Variants in GLMN observed in about 807,000 individuals in gnomAD.
GLMN encodes the protein glomulin, FKBP associated protein, also known as glomulin.
A neutral mutation model predicts 87.8 loss-of-function variants in GLMN; 75 were observed. The ratio of observed to expected loss-of-function variants is 0.85; its 90% CI spans 0.71 to 1.04. The LOEUF is 1.04. Ranked by LOEUF, GLMN falls within the 50% of genes least tolerant of loss-of-function variation. The pLI is 0.00. For synonymous variants in GLMN, 206 were observed against 221.6 expected, an observed-to-expected ratio of 0.93 and a Z score of 0.63; for missense variants, 588 against 658.8, an observed-to-expected ratio of 0.89 and a Z score of 1.18.
At chr1:92,278,240 C>G (rs573489885) in intron 7 of GLMN, among the ~76,000 whole-genome samples, 21 of 152,228 alleles carry the variant, frequency 1.4e-4, no homozygotes, top group African/African-American at 5.1e-4. Flanking sequence ...GTTGTCTTCT[C>G]AAAATACATA....
the GLMN span, among the ~76,000 whole-genome samples, chr1:92,338,648 ATTTT>A: frequency 7.0e-6 from 1 of 142,688 alleles, no homozygotes. Flanking sequence ...CTGATCATTG[ATTTT>A]TTTTTTTTTT....
At chr1:92,370,528 T>C in the GLMN span, among the ~76,000 whole-genome samples, 2 of 152,178 alleles carry the variant, frequency 1.3e-5, no homozygotes, top group African/African-American at 4.8e-5. Flanking sequence ...ATTTAGATTA[T>C]ATATGAGAAA....
the GLMN span, among the ~76,000 whole-genome samples, chr1:92,330,352 G>A: frequency 6.6e-6 from 1 of 151,174 alleles, no homozygotes; most frequent in Non-Finnish European, 1.5e-5. Flanking sequence ...CTGGAAGAAT[G>A]TGTCTAAAAT....
At chr1:92,256,753 C>T (rs951698774) in intron 16 of GLMN, among the ~76,000 whole-genome samples, 1 of 152,102 alleles carries the variant, frequency 6.6e-6, no homozygotes, top group Non-Finnish European at 1.5e-5. Context: ...TGGAACGTAT[C>T]TCAAAATAAT....
chr1:92,288,533 T>C (rs1288287618), intron 6 of GLMN, among the ~76,000 whole-genome samples: 1 of 152,108 alleles, frequency 6.6e-6, no homozygotes, highest in African/African-American at 2.4e-5. Context: ...ATTCAACCCA[T>C]CCTCTAGCCT....
intron 6 of GLMN, among the ~76,000 whole-genome samples, chr1:92,287,887 GC>G (rs1648953169): frequency 6.6e-6 from 1 of 151,678 alleles, no homozygotes; most frequent in Non-Finnish European, 1.5e-5. Context: ...ATATAACACA[GC>G]CCCATATATA....
In GLMN at chr1:92,247,429, A is replaced by G. The variant is rs138738430; in HGVS notation, c.1586-285T>C. On this transcript the variant is annotated intron_variant, in intron 17 of 18. Transcript: ENST00000370360. ...GTATATAATCAGAATTATAGCCATT[A>G]TACTAAAAACAAAATTTCCGGTAAT... Among the ~76,000 whole-genome samples the G allele has an allele frequency of 2.9e-3, 446 of 152,342 alleles. 1 individual carries two copies. Among genetic ancestry groups the G allele is most frequent in the African/African-American group, 0.01 (420 of 41,576 alleles).
the GLMN span, chr1:92,345,697 T>C: frequency 1.8e-6 from 1 of 569,558 alleles, no homozygotes; most frequent in African/African-American, 1.9e-5. Flanking sequence ...CACATTATTA[T>C]ACTATTGACT....
At position 92,297,962 on chromosome 1, in the gene GLMN, CAT is replaced by C; in HGVS notation, c.36_37del (p.Cys13SerfsTer9). Reference sequence around the variant, plus strand: ...AATTTTACAAAAATTAATACTTACACATCTCTTTATTATAGACTGAAGTTCCT... The same window carrying C: ...AATTTTACAAAAATTAATACTTACACCTCTTTATTATAGACTGAAGTTCCT... On this transcript the variant is annotated frameshift_variant and splice_region_variant, in exon 2 of 19. Coordinates refer to ENST00000370360, the MANE Select transcript of GLMN (RefSeq NM_053274.3). LOFTEE classifies it high-confidence loss of function. 7.2e-7 allele frequency: 1 copy of C among 1,394,070 alleles called. No homozygotes were observed. Among genetic ancestry groups the C allele is most frequent in the Non-Finnish European group, 1.0e-6 (1 of 980,076 alleles). The allele number at this position is 1,394,070 out of a possible 1,614,324, so 86.4% of individuals were successfully genotyped here.
chr1:92,357,752 G>C, the GLMN span, among the ~76,000 whole-genome samples: 1 of 152,188 alleles, frequency 6.6e-6, no homozygotes, highest in African/African-American at 2.4e-5. Context: ...GGCTGGTCTC[G>C]AACTCTTGGC....
At position 92,271,644 on chromosome 1, in the gene GLMN, T is replaced by TA. The variant is rs754756178; in HGVS notation, c.743dup (p.Leu248PhefsTer14). The TA allele has an allele frequency of 3.6e-5, 58 of 1,609,318 alleles. No homozygotes were observed. The highest frequency in any genetic ancestry group is 4.2e-5 in the Non-Finnish European group (49 of 1,175,910). Reference sequence around the variant, plus strand: ...TGGGGAAAGGGTGTCCAATTGCTGATAAAAAACCCTATGAAATGGATAAAA... The same window carrying TA: ...TGGGGAAAGGGTGTCCAATTGCTGATAAAAAAACCCTATGAAATGGATAAAA... On this transcript the variant is annotated frameshift_variant, in exon 8 of 19. Transcript: ENST00000370360. LOFTEE classifies it high-confidence loss of function.
the GLMN span, among the ~76,000 whole-genome samples, chr1:92,349,714 G>T: frequency 6.6e-6 from 1 of 152,048 alleles, no homozygotes; most frequent in African/African-American, 2.4e-5. Context: ...GATTGCTTGA[G>T]CCCAGGAGTT....
At chr1:92,253,952 A>G (rs1482577666) in intron 16 of GLMN, among the ~76,000 whole-genome samples, 1 of 152,234 alleles carries the variant, frequency 6.6e-6, no homozygotes, top group African/African-American at 2.4e-5. Flanking sequence ...TCAGAAGTTG[A>G]GTAATAACAA....
chr1:92,312,649 T>C, the GLMN span, among the ~76,000 whole-genome samples: 2 of 152,114 alleles, frequency 1.3e-5, no homozygotes, highest in East Asian at 1.9e-4. Flanking sequence ...ATCTTCAAGC[T>C]CCACTTCTAA....
At chr1:92,263,569 G>A in intron 15 of GLMN, 54 bp downstream of exon 15, 1 of 834,234 alleles carries the variant, frequency 1.2e-6, no homozygotes, top group South Asian at 1.3e-5. Context: ...CTAAGCAGAT[G>A]TTTCACATTT....
At chr1:92,269,005 A>T (rs537506108) in intron 9 of GLMN, among the ~76,000 whole-genome samples, 3 of 149,926 alleles carry the variant, frequency 2.0e-5, no homozygotes, top group African/African-American at 4.9e-5. Flanking sequence ...TGCAGCCCAG[A>T]CCTCCCAGGC....
At chr1:92,327,103 G>T in the GLMN span, among the ~76,000 whole-genome samples, 1 of 152,192 alleles carries the variant, frequency 6.6e-6, no homozygotes, top group African/African-American at 2.4e-5. Context: ...GTAAATATCT[G>T]TTAAATCCAT....
chr1:92,269,220 A>G (rs562591531), intron 9 of GLMN, among the ~76,000 whole-genome samples: 3 of 150,082 alleles, frequency 2.0e-5, no homozygotes, highest in Non-Finnish European at 4.4e-5. Context: ...TTTTTTTTAA[A>G]TAGAAAGTCC....
At chr1:92,322,651 A>G in the GLMN span, among the ~76,000 whole-genome samples, 4 of 151,766 alleles carry the variant, frequency 2.6e-5, no homozygotes, top group African/African-American at 9.7e-5. Flanking sequence ...AAGGTGGGCA[A>G]ATCACTTGAG....
Sources: allele counts gnomAD v4.1 joint callset (sites outside exome capture counted in the v4.1 genomes callset), GRCh38; gene constraint gnomAD v4.1.1; transcripts MANE v1.5; gene names NCBI Gene and HGNC (gene_info 2026-07-23, HGNC 2026-07-21).